The following MLLT10 variants were observed in gnomAD, a reference collection of about 807,000 sequenced individuals.
MLLT10 encodes MLLT10 histone lysine methyltransferase DOT1L cofactor, also known as protein AF-10.
A neutral mutation model predicts 129.1 loss-of-function variants in MLLT10; 30 were observed. The observed-to-expected ratio is 0.23, with a 90% CI of 0.17 to 0.32. The LOEUF (loss-of-function observed/expected upper bound fraction) is 0.32, where lower values mean the gene tolerates loss of function less well. Ranked by LOEUF, MLLT10 falls within the 10% of genes least tolerant of loss-of-function variation. The probability of loss-of-function intolerance (pLI) is 1.00; values close to 1 mark genes in which losing one functional copy is unlikely to be tolerated. For missense variants in MLLT10, 1,119 were observed against 1,268.3 expected, an observed-to-expected ratio of 0.88 and a Z score of 1.79; for synonymous variants, 490 against 446.4, an observed-to-expected ratio of 1.10 and a Z score of -1.23.
At chr10:21,642,024 A>T (rs2048051844) in intron 8 of MLLT10, among the ~76,000 whole-genome samples, 2 of 152,198 alleles carry the variant, frequency 1.3e-5, no homozygotes, top group Non-Finnish European at 2.9e-5. Flanking sequence ...CAGGAAGGGA[A>T]TACCTCTTAA....
At chr10:21,535,061 T>C (rs1208250825) in intron 2 of MLLT10, among the ~76,000 whole-genome samples, 2 of 134,056 alleles carry the variant, frequency 1.5e-5, no homozygotes, top group South Asian at 2.4e-4. Flanking sequence ...CGGGGTCTGC[T>C]GACTCGGCGG....
At chr10:21,679,960 G>A (rs1190742900) in intron 11 of MLLT10, among the ~76,000 whole-genome samples, 1 of 152,132 alleles carries the variant, frequency 6.6e-6, no homozygotes, top group Non-Finnish European at 1.5e-5. Flanking sequence ...TTAGCCATAA[G>A]GGAATATCAG....
chr10:21,624,819 C>T, intron 8 of MLLT10: 1 of 1,057,924 alleles, frequency 9.5e-7, no homozygotes, highest in Admixed American at 2.0e-5. Context: ...TCCACGGGAA[C>T]CACGGCCACG....
chr10:21,671,524 A>T (rs1330624045), intron 10 of MLLT10, among the ~76,000 whole-genome samples: 1 of 152,132 alleles, frequency 6.6e-6, no homozygotes, highest in Non-Finnish European at 1.5e-5. Flanking sequence ...ACAGTGGCTC[A>T]TGCCTGTAAT....
intron 4 of MLLT10, among the ~76,000 whole-genome samples, chr10:21,591,026 C>T (rs2042439622): frequency 6.6e-6 from 1 of 151,996 alleles, no homozygotes; most frequent in South Asian, 2.1e-4. Flanking sequence ...TATTGAATCC[C>T]ACAAGTTGTG....
intron 8 of MLLT10, among the ~76,000 whole-genome samples, chr10:21,623,059 G>C (rs1159983475): frequency 6.6e-6 from 1 of 152,196 alleles, no homozygotes; most frequent in African/African-American, 2.4e-5. Context: ...GTTATGGGGA[G>C]GTAGGTAGAG....
chr10:21,649,722 G>A (rs1044292352), intron 8 of MLLT10, among the ~76,000 whole-genome samples: 2 of 152,194 alleles, frequency 1.3e-5, no homozygotes, highest in East Asian at 3.9e-4. Context: ...TTTACATGGT[G>A]GCTGATAACT....
chr10:21,536,606 A>T (rs928771131), intron 2 of MLLT10, among the ~76,000 whole-genome samples: 5 of 152,160 alleles, frequency 3.3e-5, no homozygotes, highest in Non-Finnish European at 5.9e-5. Flanking sequence ...ACAGGGTCTC[A>T]CTTTGTGGCT....
rs1231807225 is a variant in MLLT10, at chr10:21,681,324, C to T, written c.1622-8C>T. 5.6e-6 allele frequency: 9 copies of T among 1,612,058 alleles called. No individual in the cohort carries two copies. Among genetic ancestry groups the T allele is most frequent in the African/African-American group, 1.3e-5 (1 of 74,778 alleles). ...TTCACTGATTTCCTTTTTCCTTCCTCTCAACAGAAATTTCCATGCAGTATC... is the reference window on the plus strand; with the variant it reads ...TTCACTGATTTCCTTTTTCCTTCCTTTCAACAGAAATTTCCATGCAGTATC... On this transcript the variant is annotated splice_polypyrimidine_tract_variant and splice_region_variant and intron_variant, in intron 11 of 22. Transcript: ENST00000307729.
chr10:21,657,008 T>C (rs756794392), intron 9 of MLLT10, among the ~76,000 whole-genome samples: 2 of 152,210 alleles, frequency 1.3e-5, no homozygotes, highest in Middle Eastern at 6.3e-3. Context: ...AAAGTGTGGT[T>C]ACTCCCCTGA....
At chr10:21,641,639 A>G (rs759720963) in intron 8 of MLLT10, among the ~76,000 whole-genome samples, 8 of 152,106 alleles carry the variant, frequency 5.3e-5, no homozygotes, top group Non-Finnish European at 8.8e-5. Flanking sequence ...TGGGTGGCAG[A>G]ATGAGACCAA....
At chr10:21,625,977 A>G in intron 8 of MLLT10, 2 of 868,668 alleles carry the variant, frequency 2.3e-6, no homozygotes, top group South Asian at 2.6e-5. Flanking sequence ...ACACCAGAGT[A>G]CACACTGTTT....
intron 5 of MLLT10, among the ~76,000 whole-genome samples, chr10:21,603,154 G>A (rs1433537413): frequency 6.8e-6 from 1 of 147,854 alleles, no homozygotes; most frequent in Non-Finnish European, 1.5e-5. Context: ...CCGAGTTCAA[G>A]CCATTCTCCT....
At chr10:21,607,455 G>A (rs959660637) in intron 5 of MLLT10, among the ~76,000 whole-genome samples, 1 of 151,498 alleles carries the variant, frequency 6.6e-6, no homozygotes, top group African/African-American at 2.4e-5. Context: ...TGAGTAGCTG[G>A]GATTACAGGC....
At chr10:21,613,466 G>C (rs144826431) in intron 6 of MLLT10, among the ~76,000 whole-genome samples, 1 of 152,002 alleles carries the variant, frequency 6.6e-6, no homozygotes, top group Non-Finnish European at 1.5e-5. Context: ...ATAAATTCTC[G>C]TAATGACTGT....
intron 5 of MLLT10, among the ~76,000 whole-genome samples, chr10:21,602,759 T>C (rs1432863348): frequency 6.6e-6 from 1 of 151,930 alleles, no homozygotes; most frequent in African/African-American, 2.4e-5. Context: ...GACAGTGTCT[T>C]GCTCTGTCGC....
At chr10:21,624,803 C>T in intron 8 of MLLT10, 1 of 1,081,070 alleles carries the variant, frequency 9.3e-7, no homozygotes, top group African/African-American at 1.6e-5. Context: ...CCTGATTGCC[C>T]TGAGATCCAC....
At chr10:21,550,205 C>T (rs755321493) in intron 3 of MLLT10, among the ~76,000 whole-genome samples, 8 of 152,166 alleles carry the variant, frequency 5.3e-5, no homozygotes, top group Non-Finnish European at 1.0e-4. Flanking sequence ...TGGATTTCTA[C>T]ATCCTTTAGA....
At chr10:21,537,691 ACTCCTGAC>A (rs2034305908) in intron 2 of MLLT10, among the ~76,000 whole-genome samples, 1 of 151,688 alleles carries the variant, frequency 6.6e-6, no homozygotes, top group Non-Finnish European at 1.5e-5. Flanking sequence ...CTGGTCTGGA[ACTCCTGAC>A]CTCAGGTGAT....
Sources: allele counts gnomAD v4.1 joint callset (sites outside exome capture counted in the v4.1 genomes callset), GRCh38; gene constraint gnomAD v4.1.1; transcripts MANE v1.5; gene names NCBI Gene and HGNC (gene_info 2026-07-23, HGNC 2026-07-21).